The following TRDN variants were observed in gnomAD, a reference collection of about 807,000 sequenced individuals.
TRDN encodes the protein triadin in skeletal muscle.
TRDN carries 161 observed loss-of-function variants against 149.7 expected under a neutral mutation model. The ratio of observed to expected loss-of-function variants is 1.08; its 90% confidence interval spans 0.95 to 1.23. The LOEUF (loss-of-function observed/expected upper bound fraction) is 1.23, where lower values mean the gene tolerates loss of function less well. TRDN is among the 50% of genes most tolerant of loss of function. TRDN has a pLI of 0.00. For synonymous variants in TRDN, 294 were observed against 250.5 expected (o/e 1.17, Z -1.64); for missense variants, 896 against 823.5 (o/e 1.09, Z -1.08).
chr6:123,369,382 T>C (rs1781236855), intron 19 of TRDN, among the ~76,000 whole-genome samples: 2 of 152,110 alleles, frequency 1.3e-5, no homozygotes, highest in South Asian at 4.1e-4. Context: ...ACATATCTTT[T>C]GGTGGGAGGC....
intron 4 of TRDN, among the ~76,000 whole-genome samples, chr6:123,538,466 T>C (rs530432412): frequency 6.6e-6 from 1 of 152,272 alleles, no homozygotes; most frequent in South Asian, 2.1e-4. Flanking sequence ...CTTTTTATGT[T>C]TGATTGGTAA....
chr6:123,250,222 T>C (rs1377551887), intron 38 of TRDN, among the ~76,000 whole-genome samples: 1 of 152,106 alleles, frequency 6.6e-6, no homozygotes, highest in Non-Finnish European at 1.5e-5. Flanking sequence ...GACTTGCTCA[T>C]GGCTGTAAAA....
At chr6:123,345,064 T>TA in intron 21 of TRDN, among the ~76,000 whole-genome samples, 1 of 151,900 alleles carries the variant, frequency 6.6e-6, no homozygotes, top group East Asian at 1.9e-4. Context: ...AACTTATATA[T>TA]TTTTTTTCTT....
intron 10 of TRDN, among the ~76,000 whole-genome samples, chr6:123,452,150 G>C (rs939932017): frequency 3.6e-4 from 54 of 152,022 alleles, no homozygotes; most frequent in African/African-American, 1.3e-3. Flanking sequence ...ATATTGAATG[G>C]GTAAAAGTTG....
chr6:123,255,842 AT>A (rs1418823521), intron 36 of TRDN, 24 bp downstream of exon 36: 3 of 1,323,330 alleles, frequency 2.3e-6, no homozygotes, highest in Non-Finnish European at 3.0e-6. Context: ...TTTGCATTCT[AT>A]TTTTTATTCT....
At chr6:123,313,660 A>G (rs1778914920) in intron 24 of TRDN, among the ~76,000 whole-genome samples, 1 of 151,864 alleles carries the variant, frequency 6.6e-6, no homozygotes, top group African/African-American at 2.4e-5. Flanking sequence ...CCAGAGTACA[A>G]GAACAGAGAC....
At chr6:123,234,074 A>T (rs2114528076) in intron 38 of TRDN, among the ~76,000 whole-genome samples, 1 of 152,138 alleles carries the variant, frequency 6.6e-6, no homozygotes, top group South Asian at 2.1e-4. Flanking sequence ...ATGTTAAGTA[A>T]TTTTTCCAAG....
chr6:123,411,040 ACTTT>A (rs1773414479), intron 12 of TRDN, among the ~76,000 whole-genome samples: 2 of 110,614 alleles, frequency 1.8e-5, no homozygotes. Flanking sequence ...TGTATGAATA[ACTTT>A]CTTTCTTTTT....
chr6:123,441,773 C>T (rs1241865516), intron 10 of TRDN, among the ~76,000 whole-genome samples: 3 of 152,140 alleles, frequency 2.0e-5, no homozygotes, highest in Non-Finnish European at 2.9e-5. Flanking sequence ...GCTGTTTCCA[C>T]GAGGAAACAA....
chr6:123,278,684 C>G lies in TRDN; in HGVS notation c.1538-337G>C, dbSNP rs532237685. 4.6e-5 allele frequency among the ~76,000 whole-genome samples: 7 copies of G among 152,296 alleles called. No homozygotes were observed. In the South Asian group the frequency reaches 1.5e-3, roughly 32 times the overall value. ...ACTGGGGAGGCTGAGGCACAAGAAT[C>G]ACTTGAGGCTGGTAGGCAGAGGTTG... On this transcript the variant is annotated intron_variant, in intron 25 of 40. Transcript: ENST00000334268.
intron 9 of TRDN, among the ~76,000 whole-genome samples, chr6:123,482,692 C>T (rs1378493146): frequency 6.6e-6 from 1 of 152,104 alleles, no homozygotes; most frequent in African/African-American, 2.4e-5. Flanking sequence ...CAGGGAGTTT[C>T]AATATGACAA....
chr6:123,530,561 T>C lies in TRDN; in HGVS notation c.429A>G (p.Ile143Met), dbSNP rs1780197492. Residue 143 changes from isoleucine to methionine, a missense_variant, in exon 5 of 41, where the codon ATA (isoleucine) becomes ATG (methionine). Coordinates refer to ENST00000334268, the MANE Select transcript of TRDN (RefSeq NM_006073.4). Reference sequence around the variant, plus strand: ...CTTGTTTTTCAGTCTTATCTTTGTGTATTTCTAAGAAAAAATAGAATTTAT... The same window carrying C: ...CTTGTTTTTCAGTCTTATCTTTGTGCATTTCTAAGAAAAAATAGAATTTAT... Reference protein sequence around the residue: ...IDEPPLRKKEIHKDKTEKQEK... With the variant: ...IDEPPLRKKEMHKDKTEKQEK... The C allele has an allele frequency of 1.6e-6, 2 of 1,247,100 alleles. No individual in the cohort carries two copies. Among genetic ancestry groups the C allele is most frequent in the South Asian group, 1.6e-5 (1 of 63,680 alleles). The allele number at this position is 1,247,100 out of a possible 1,614,324, so 77.3% of individuals were successfully genotyped here.
intron 38 of TRDN, among the ~76,000 whole-genome samples, chr6:123,232,386 C>A (rs1775635679): frequency 6.6e-6 from 1 of 151,902 alleles, no homozygotes; most frequent in South Asian, 2.1e-4. Context: ...TTTGGGGAGA[C>A]TGTTGGGGCA....
chr6:123,422,917 G>T (rs911619655), intron 12 of TRDN, among the ~76,000 whole-genome samples: 3 of 151,964 alleles, frequency 2.0e-5, no homozygotes, highest in African/African-American at 7.3e-5. Context: ...TCCTTCAAGG[G>T]GCTATTAGGA....
At chr6:123,229,202 A>G (rs1306781299) in intron 38 of TRDN, among the ~76,000 whole-genome samples, 1 of 151,940 alleles carries the variant, frequency 6.6e-6, no homozygotes, top group Non-Finnish European at 1.5e-5. Flanking sequence ...AAAATGGGCC[A>G]TCTTGTCTGT....
intron 38 of TRDN, among the ~76,000 whole-genome samples, chr6:123,237,457 C>T (rs1378739653): frequency 6.6e-6 from 1 of 152,198 alleles, no homozygotes; most frequent in African/African-American, 2.4e-5. Context: ...ACCATCTTGG[C>T]CGGGCTGGTC....
intron 24 of TRDN, among the ~76,000 whole-genome samples, chr6:123,297,915 T>C (rs1452948268): frequency 1.3e-5 from 2 of 152,048 alleles, no homozygotes; most frequent in African/African-American, 4.8e-5. Flanking sequence ...ACACATTTCC[T>C]ATATTAGTAA....
At chr6:123,276,355 T>A (rs1275927844) in intron 26 of TRDN, among the ~76,000 whole-genome samples, 6 of 152,146 alleles carry the variant, frequency 3.9e-5, no homozygotes, top group Admixed American at 1.3e-4. Context: ...CTTAGCTTAA[T>A]TGTGTTCTTC....
Position 123,477,107 on chromosome 6 carries a change from A to G in TRDN, c.854-12124T>C, listed in dbSNP as rs1777524421. On this transcript the variant is annotated intron_variant, in intron 9 of 40. Coordinates refer to ENST00000334268, the MANE Select transcript of TRDN (RefSeq NM_006073.4). ...CTTCTGCACAGCAAAAGAAACTACC[A>G]TCAGAGTGAACAGGCAACTACAAAA... Among the ~76,000 whole-genome samples the G allele has an allele frequency of 3.6e-5, 5 of 138,264 alleles. No homozygotes were observed. In the Admixed American group the frequency reaches 3.7e-4, roughly 10 times the overall value. 90.7% of individuals were successfully genotyped at this position (138,264 alleles called of 152,430 possible).
Sources: gnomAD v4.1 joint callset for allele counts (sites outside exome capture counted in the v4.1 genomes callset) on GRCh38, gnomAD v4.1.1 for gene constraint, MANE v1.5 for transcripts, NCBI Gene and HGNC (gene_info 2026-07-23, HGNC 2026-07-21) for gene names.